Variants in PPFIA2 observed in about 807,000 individuals in gnomAD.
The protein encoded by PPFIA2 is PPFI scaffold protein A2, also known as liprin-alpha-2.
In PPFIA2, 46 loss-of-function variants were observed where a neutral mutation model predicts 175.5. That is an observed-to-expected ratio of 0.26 (90% CI 0.21 to 0.34). The LOEUF (loss-of-function observed/expected upper bound fraction) is 0.34. Ranked by LOEUF, PPFIA2 falls within the 10% of genes least tolerant of loss-of-function variation. PPFIA2 has a pLI of 1.00. For missense variants in PPFIA2, 1,179 were observed against 1,506.1 expected (o/e 0.78, Z 3.60); for synonymous variants, 568 against 511.4 (o/e 1.11, Z -1.49).
intron 28 of PPFIA2, among the ~76,000 whole-genome samples, chr12:81,274,080 C>A (rs529952773): frequency 1.3e-5 from 2 of 152,262 alleles, no homozygotes; most frequent in East Asian, 3.9e-4. Context: ...GTTAGCATCA[C>A]ATTTTGGCTA....
intron 4 of PPFIA2, among the ~76,000 whole-genome samples, chr12:81,547,628 C>T (rs1029695905): frequency 2.0e-5 from 3 of 151,968 alleles, no homozygotes; most frequent in African/African-American, 7.2e-5. Flanking sequence ...TGAATCAGTG[C>T]TACATTTAAT....
At chr12:81,555,441 T>G (rs1241841137) in intron 4 of PPFIA2, among the ~76,000 whole-genome samples, 1 of 151,998 alleles carries the variant, frequency 6.6e-6, no homozygotes, top group Non-Finnish European at 1.5e-5. Flanking sequence ...TAACTTTAAT[T>G]AATGAATGAT....
At chr12:81,647,420 A>C (rs985785423) in intron 4 of PPFIA2, among the ~76,000 whole-genome samples, 1 of 152,190 alleles carries the variant, frequency 6.6e-6, no homozygotes, top group African/African-American at 2.4e-5. Flanking sequence ...GAATTCTAAG[A>C]ATGATAAGAG....
intron 21 of PPFIA2, among the ~76,000 whole-genome samples, chr12:81,333,609 G>A: frequency 7.2e-6 from 1 of 138,022 alleles, no homozygotes; most frequent in Non-Finnish European, 1.7e-5. Flanking sequence ...TGACTTTAGA[G>A]TCACATGAAT....
chr12:81,591,849 G>A (rs189502485), intron 4 of PPFIA2, among the ~76,000 whole-genome samples: 48 of 152,240 alleles, frequency 3.2e-4, no homozygotes, highest in Admixed American at 1.8e-3. Context: ...CTATGGCAGT[G>A]CAGAAAAAAA....
intron 4 of PPFIA2, among the ~76,000 whole-genome samples, chr12:81,574,858 G>C (rs1020021642): frequency 4.0e-5 from 6 of 151,680 alleles, no homozygotes; most frequent in Non-Finnish European, 7.4e-5. Flanking sequence ...GTATGCCTTT[G>C]TGTTACCAAG....
chr12:81,320,483 T>C (rs187373494), intron 22 of PPFIA2, among the ~76,000 whole-genome samples: 38 of 152,124 alleles, frequency 2.5e-4, no homozygotes, highest in Non-Finnish European at 4.3e-4. Flanking sequence ...TTAGCAGTGT[T>C]AACCATTCAG....
At chr12:81,470,310 C>T (rs894097671) in intron 4 of PPFIA2, among the ~76,000 whole-genome samples, 15 of 152,046 alleles carry the variant, frequency 9.9e-5, no homozygotes, top group Non-Finnish European at 1.6e-4. Flanking sequence ...AGATAAGTAG[C>T]CAAAAAGCAC....
At position 81,676,795 on chromosome 12, in the gene PPFIA2, G is replaced by C. The variant is rs769323073; in HGVS notation, c.299C>G (p.Pro100Arg). ...GGLAGSKGAD[P>R]PEFAALTKEL... is the part of the protein sequence containing the mutation. The stretch of plus-strand genomic sequence containing the variant: ...TTAATGAAGAATCTAACTTACCGGT[G>C]GATCAGCCCCCTTAGAACCAGCCAG... Residue 100 changes from proline (P) to arginine (R), a missense_variant, in exon 4 of 33, where the codon CCA (proline) becomes CGA (arginine). Pro to Arg is a moderately radical substitution (Grantham distance 103). This residue lies in a region of PPFIA2 where 128 missense variants were observed against 141.4 expected (regional missense o/e 0.91). Transcript: ENST00000549396. The C allele has an allele frequency of 1.3e-6, 2 of 1,557,086 alleles. No individual in the cohort carries two copies. Among genetic ancestry groups the C allele is most frequent in the African/African-American group, 2.8e-5 (2 of 71,796 alleles).
At chr12:81,276,790 C>T (rs1375269622) in intron 28 of PPFIA2, among the ~76,000 whole-genome samples, 1 of 152,052 alleles carries the variant, frequency 6.6e-6, no homozygotes, top group Non-Finnish European at 1.5e-5. Flanking sequence ...GATAATATTA[C>T]CAGCTAAAAT....
Position 81,623,886 on chromosome 12 carries a change from C to CA in PPFIA2, c.303+52904dup, listed in dbSNP as rs1180383867. On this transcript the variant is annotated intron_variant, in intron 4 of 32. Transcript: ENST00000549396. Reference sequence around the variant, plus strand: ...ATTTTGGGTACTACTTAAATAGCTGCAAAAAAACAAACACCCTACAACAAA... The same window carrying CA: ...ATTTTGGGTACTACTTAAATAGCTGCAAAAAAAACAAACACCCTACAACAAA... Among the ~76,000 whole-genome samples, 9 of 151,576 alleles carry CA rather than the reference C, an allele frequency of 5.9e-5. No individual in the cohort carries two copies. The South Asian group carries it at 8.3e-4, about 14-fold the overall frequency.
At chr12:81,625,327 G>A (rs2062572475) in intron 4 of PPFIA2, among the ~76,000 whole-genome samples, 2 of 151,850 alleles carry the variant, frequency 1.3e-5, no homozygotes, top group African/African-American at 4.8e-5. Flanking sequence ...ATCTCTGTAA[G>A]TCAAATATGT....
chr12:81,745,145 C>A (rs1450481084), intron 3 of PPFIA2, among the ~76,000 whole-genome samples: 1 of 152,116 alleles, frequency 6.6e-6, no homozygotes, highest in African/African-American at 2.4e-5. Context: ...AATTAATTAT[C>A]TTTTGTTTTA....
At chr12:81,630,431 T>G (rs1825388150) in intron 4 of PPFIA2, among the ~76,000 whole-genome samples, 1 of 152,166 alleles carries the variant, frequency 6.6e-6, no homozygotes, top group Non-Finnish European at 1.5e-5. Flanking sequence ...TTTTTGTAGC[T>G]TCTATAGAAC....
chr12:81,673,111 A>G (rs1596277159), intron 4 of PPFIA2, among the ~76,000 whole-genome samples: 1 of 152,096 alleles, frequency 6.6e-6, no homozygotes, highest in South Asian at 2.1e-4. Flanking sequence ...TCCACAGTCT[A>G]CAGACAATTC....
intron 4 of PPFIA2, among the ~76,000 whole-genome samples, chr12:81,510,352 C>A (rs990549175): frequency 1.7e-4 from 26 of 152,006 alleles, no homozygotes; most frequent in African/African-American, 5.8e-4. Flanking sequence ...ACTAACTTTT[C>A]CAATTAATCA....
At chr12:81,709,486 G>T (rs185837710) in intron 3 of PPFIA2, among the ~76,000 whole-genome samples, 45 of 151,854 alleles carry the variant, frequency 3.0e-4, no homozygotes, top group African/African-American at 1.0e-3. Context: ...ATTAACAAAT[G>T]GTTGGTACAC....
intron 4 of PPFIA2, among the ~76,000 whole-genome samples, chr12:81,606,679 T>C (rs1296351521): frequency 1.3e-5 from 2 of 152,092 alleles, no homozygotes; most frequent in Non-Finnish European, 2.9e-5. Context: ...TTTTTGCTTG[T>C]TGATTTAAGT....
chr12:81,738,674 TA>T (rs1023325006), intron 3 of PPFIA2, among the ~76,000 whole-genome samples: 72 of 147,408 alleles, frequency 4.9e-4, no homozygotes, highest in African/African-American at 1.5e-3. Flanking sequence ...AAGGTTGATT[TA>T]AAAAAAAAAC....
Sources: allele counts gnomAD v4.1 joint callset (sites outside exome capture counted in the v4.1 genomes callset), GRCh38; gene constraint gnomAD v4.1.1; regional missense constraint gnomAD v4.1.1; transcripts MANE v1.5; gene names NCBI Gene and HGNC (gene_info 2026-07-23, HGNC 2026-07-21).